ADAMTS12: variants seen among roughly 807,000 people sequenced by gnomAD.
ADAMTS12 encodes the protein ADAM metallopeptidase with thrombospondin type 1 motif 12.
A neutral mutation model predicts 167.8 loss-of-function variants in ADAMTS12; 118 were observed. That is an observed-to-expected ratio of 0.70 (90% CI 0.61 to 0.82). ADAMTS12 has a LOEUF of 0.82. Among genes scored for constraint, ADAMTS12 ranks in the 40% least tolerant of loss-of-function variants. ADAMTS12 has a pLI of 0.00. For missense variants in ADAMTS12, 1,916 were observed against 1,998.8 expected, an observed-to-expected ratio of 0.96 and a Z score of 0.79; for synonymous variants, 704 against 716.9, an observed-to-expected ratio of 0.98 and a Z score of 0.29.
chr5:33,588,942 G>A, intron 17 of ADAMTS12, 133 bp from the exon 18 acceptor site: 1 of 1,087,812 alleles, frequency 9.2e-7, no homozygotes, highest in Admixed American at 2.5e-5. Flanking sequence ...AACCCACTAG[G>A]GGGCGTGCTG....
chr5:33,578,977 T>C (rs1256878988), intron 18 of ADAMTS12, among the ~76,000 whole-genome samples: 1 of 152,232 alleles, frequency 6.6e-6, no homozygotes, highest in African/African-American at 2.4e-5. Flanking sequence ...TGATGCTTAA[T>C]GCACAATCAT....
chr5:33,743,529 T>C (rs1352511823), intron 3 of ADAMTS12, among the ~76,000 whole-genome samples: 2 of 152,212 alleles, frequency 1.3e-5, no homozygotes, highest in Non-Finnish European at 2.9e-5. Context: ...CACCTGCTCC[T>C]CTCTACCCAA....
chr5:33,701,240 T>C (rs2112297899), intron 3 of ADAMTS12, among the ~76,000 whole-genome samples: 1 of 152,336 alleles, frequency 6.6e-6, no homozygotes, highest in South Asian at 2.1e-4. Flanking sequence ...TTCTCCAGGT[T>C]CTACTCCCCA....
At chr5:33,654,677 C>G (rs1166437788) in intron 7 of ADAMTS12, among the ~76,000 whole-genome samples, 12 of 152,162 alleles carry the variant, frequency 7.9e-5, no homozygotes, top group Admixed American at 7.9e-4. Flanking sequence ...GTGTTTGATG[C>G]TTTGTTATAG....
intron 7 of ADAMTS12, among the ~76,000 whole-genome samples, chr5:33,652,132 G>T (rs947296268): frequency 6.6e-6 from 1 of 151,960 alleles, no homozygotes; most frequent in Non-Finnish European, 1.5e-5. Flanking sequence ...TCTTCCTTTG[G>T]GTACCTAACC....
At chr5:33,795,902 C>T (rs1000695888) in intron 2 of ADAMTS12, among the ~76,000 whole-genome samples, 6 of 152,228 alleles carry the variant, frequency 3.9e-5, no homozygotes, top group African/African-American at 1.4e-4. Context: ...GAGAGCCCCA[C>T]TCTGAAGAGT....
intron 5 of ADAMTS12, among the ~76,000 whole-genome samples, chr5:33,679,066 C>T (rs376996401): frequency 6.6e-6 from 1 of 152,128 alleles, no homozygotes; most frequent in African/African-American, 2.4e-5. Flanking sequence ...TGGGACAAAC[C>T]GAAGTGCGAG....
rs1743872235 is a variant in ADAMTS12, at chr5:33,527,325, G to A, written c.4648C>T (p.Gln1550Ter). ...CATTTCTTCATGGCTTTCAGTGTCT[G>A]GCAGAAACTGGCTGACAGTTTGTCC... ...TKDKLSASFC[Q>*]TLKAMKKCSV... Residue 1550 changes from glutamine (Q) to a stop codon, truncating the protein, a stop_gained, in exon 24 of 24, where the codon CAG (glutamine) becomes TAG (stop). Coordinates refer to ENST00000504830, the MANE Select transcript of ADAMTS12 (RefSeq NM_030955.4). LOFTEE classifies it low-confidence loss of function (END_TRUNC). 1.9e-6 allele frequency: 3 copies of A among 1,614,032 alleles called. No homozygotes were observed. In the South Asian group the frequency reaches 3.3e-5, roughly 18 times the overall value.
rs1436573820 is a variant in ADAMTS12, at chr5:33,624,387, C to T, written c.2023-36G>A. On this transcript the variant is annotated intron_variant, in intron 13 of 23. Coordinates refer to ENST00000504830, the MANE Select transcript of ADAMTS12 (RefSeq NM_030955.4). ...GAGAGGTGGAGGATGAATGCCCAGG[C>T]AGGGGATGCCACTCTTGCCTGGATC... 1.9e-6 allele frequency: 3 copies of T among 1,612,698 alleles called. No individual in the cohort carries two copies. The Admixed American group carries it at 5.0e-5, about 27-fold the overall frequency.
chr5:33,763,026 G>A (rs1315071065), intron 2 of ADAMTS12, among the ~76,000 whole-genome samples: 1 of 152,156 alleles, frequency 6.6e-6, no homozygotes, highest in Non-Finnish European at 1.5e-5. Context: ...AGCAAGTCAA[G>A]GGAAATGACA....
intron 2 of ADAMTS12, among the ~76,000 whole-genome samples, chr5:33,860,561 G>A (rs1366038452): frequency 1.3e-5 from 2 of 152,164 alleles, no homozygotes; most frequent in Non-Finnish European, 2.9e-5. Flanking sequence ...AAGTGTCGAG[G>A]AGAATGGAAC....
chr5:33,586,263 A>C (rs140287139), intron 18 of ADAMTS12, among the ~76,000 whole-genome samples: 1 of 152,246 alleles, frequency 6.6e-6, no homozygotes, highest in Non-Finnish European at 1.5e-5. Flanking sequence ...ACATTTCATC[A>C]TACTCCAGCA....
At chr5:33,727,804 T>A (rs1317646314) in intron 3 of ADAMTS12, among the ~76,000 whole-genome samples, 1 of 152,250 alleles carries the variant, frequency 6.6e-6, no homozygotes, top group Non-Finnish European at 1.5e-5. Flanking sequence ...TGGTGCTTCA[T>A]CCCACTAATT....
At chr5:33,590,772 G>T (rs1055196274) in intron 17 of ADAMTS12, among the ~76,000 whole-genome samples, 1 of 152,162 alleles carries the variant, frequency 6.6e-6, no homozygotes, top group African/African-American at 2.4e-5. Context: ...ACCATACCTG[G>T]CCACGAAATA....
intron 1 of ADAMTS12, among the ~76,000 whole-genome samples, chr5:33,881,734 GTT>G (rs11295558): frequency 0.19 from 23,248 of 120,126 alleles, 3,401 homozygotes; most frequent in African/African-American, 0.42. Flanking sequence ...GGCTAATTTT[GTT>G]TTTTTTTTTT....
chr5:33,862,303 T>C (rs1223996064), intron 2 of ADAMTS12, among the ~76,000 whole-genome samples: 1 of 150,266 alleles, frequency 6.7e-6, no homozygotes, highest in Non-Finnish European at 1.5e-5. Context: ...AAGAAGAAAA[T>C]AGGGGAAAAT....
At chr5:33,563,971 C>A (rs1321815085) in intron 19 of ADAMTS12, among the ~76,000 whole-genome samples, 2 of 152,212 alleles carry the variant, frequency 1.3e-5, no homozygotes, top group Admixed American at 6.5e-5. Flanking sequence ...CAGGACTAAA[C>A]CCCAGAAAGT....
chr5:33,857,297 G>T (rs1031557316), intron 2 of ADAMTS12, among the ~76,000 whole-genome samples: 1 of 152,128 alleles, frequency 6.6e-6, no homozygotes, highest in East Asian at 1.9e-4. Context: ...AAAGGGTACA[G>T]AGTTTCAGTT....
At chr5:33,729,584 A>C (rs1374627566) in intron 3 of ADAMTS12, among the ~76,000 whole-genome samples, 1 of 152,238 alleles carries the variant, frequency 6.6e-6, no homozygotes, top group African/African-American at 2.4e-5. Context: ...TTAACAACAC[A>C]TAATTTACAT....
Sources: gnomAD v4.1 joint callset for allele counts (sites outside exome capture counted in the v4.1 genomes callset) on GRCh38, gnomAD v4.1.1 for gene constraint, MANE v1.5 for transcripts, NCBI Gene and HGNC (gene_info 2026-07-23, HGNC 2026-07-21) for gene names.